Variants in CXCL14 observed in about 807,000 individuals in gnomAD.
The protein encoded by CXCL14 is C-X-C motif chemokine ligand 14.
CXCL14 carries 9 observed loss-of-function variants against 16.1 expected under a neutral mutation model. The ratio of observed to expected loss-of-function variants is 0.56; its 90% confidence interval spans 0.34 to 0.97. The LOEUF (loss-of-function observed/expected upper bound fraction) is 0.97. Ranked by LOEUF, CXCL14 falls within the 50% of genes least tolerant of loss-of-function variation. CXCL14 has a pLI of 0.02. For missense variants in CXCL14, 111 were observed against 132.5 expected (o/e 0.84, Z 0.80); for synonymous variants, 55 against 52.8 (o/e 1.04, Z -0.18).
intron 2 of CXCL14, 51 bp from the exon 3 acceptor site, chr5:135,574,736 T>C: frequency 6.9e-7 from 1 of 1,459,462 alleles, no homozygotes; most frequent in Non-Finnish European, 9.6e-7. Context: ...AATAACATGT[T>C]GCCTCTTGTG....
intron 2 of CXCL14, among the ~76,000 whole-genome samples, chr5:135,577,550 G>C (rs1051684432): frequency 1.3e-5 from 2 of 152,204 alleles, no homozygotes; most frequent in Non-Finnish European, 2.9e-5. Context: ...TTGCGCCGGT[G>C]GGGGCCAGCT....
chr5:135,578,242 C>T (rs1751144393), intron 2 of CXCL14, among the ~76,000 whole-genome samples, 192 bp downstream of exon 2: 1 of 150,038 alleles, frequency 6.7e-6, no homozygotes, highest in African/African-American at 2.5e-5. Context: ...GGGACAGTGA[C>T]CCCCCTTCCC....
rs1004522637 is a variant in CXCL14, at chr5:135,578,984, C to T, written c.-206G>A. On this transcript the variant is annotated 5_prime_UTR_variant, in exon 1 of 4. Coordinates refer to ENST00000512158, the MANE Select transcript of CXCL14 (RefSeq NM_004887.5). ...TGCGCTCTGCGCTTGTCTCCGCGCT[C>T]TCTCCACAGCCTCCCTCCGCCCGCC... 78 of 549,334 alleles carry T rather than the reference C, an allele frequency of 1.4e-4. No homozygotes were observed. In the African/African-American group the frequency reaches 1.4e-3, roughly 10 times the overall value. 34.0% of individuals were successfully genotyped at this position (549,334 alleles called of 1,614,324 possible). A position where few individuals can be genotyped will look rare whatever the true frequency, so the allele number is the denominator to read the frequency against.
rs140131664 is a variant in CXCL14, at chr5:135,576,309, C to CT, written c.171-1625dup. 3.7e-3 allele frequency among the ~76,000 whole-genome samples: 568 copies of CT among 152,362 alleles called. 5 individuals are homozygous for CT. The highest frequency in any genetic ancestry group is 0.013 in the African/African-American group (550 of 41,586). ...TCACCCTGCAGGAATTTAGCAAATGCTTTTCTCTTTCTGCCTACAAGGCTG... is the reference window on the plus strand; with the variant it reads ...TCACCCTGCAGGAATTTAGCAAATGCTTTTTCTCTTTCTGCCTACAAGGCTG... On this transcript the variant is annotated intron_variant, in intron 2 of 3. Coordinates refer to ENST00000512158, the MANE Select transcript of CXCL14 (RefSeq NM_004887.5).
In CXCL14 at chr5:135,571,645, C is replaced by A. The variant is rs1751029493; in HGVS notation, c.*208G>T. ...AGAGATGGGTCTCCCATCTGGAAGCCTTTCGCACGCAGCTATAAAATGTAA... is the reference window on the plus strand; with the variant it reads ...AGAGATGGGTCTCCCATCTGGAAGCATTTCGCACGCAGCTATAAAATGTAA... On this transcript the variant is annotated 3_prime_UTR_variant, in exon 4 of 4. Transcript: ENST00000512158. 1.9e-6 allele frequency: 1 copy of A among 539,606 alleles called. No individual in the cohort carries two copies. Among genetic ancestry groups the A allele is most frequent in the Non-Finnish European group, 3.2e-6 (1 of 312,394 alleles). 33.4% of individuals were successfully genotyped at this position (539,606 alleles called of 1,614,324 possible).
chr5:135,577,471 A>G (rs573630692), intron 2 of CXCL14, among the ~76,000 whole-genome samples: 1 of 152,346 alleles, frequency 6.6e-6, no homozygotes, highest in Admixed American at 6.5e-5. Flanking sequence ...CTGACAGTGT[A>G]GCCCCTAGAC....
At position 135,577,602 on chromosome 5, in the gene CXCL14, G is replaced by A. The variant is rs1391475301; in HGVS notation, c.170+832C>T. 4.6e-5 allele frequency among the ~76,000 whole-genome samples: 7 copies of A among 152,342 alleles called. No homozygotes were observed. In the South Asian group the frequency reaches 1.4e-3, roughly 32 times the overall value. ...CCAGACTGAGAATAAAGTGCGTCCTGTTTCTGGGGGAGGGGAAGAGGGGCC... is the reference window on the plus strand; with the variant it reads ...CCAGACTGAGAATAAAGTGCGTCCTATTTCTGGGGGAGGGGAAGAGGGGCC... On this transcript the variant is annotated intron_variant, in intron 2 of 3. Transcript: ENST00000512158.
intron 2 of CXCL14, among the ~76,000 whole-genome samples, chr5:135,577,311 G>A (rs898160925): frequency 2.0e-5 from 3 of 152,122 alleles, no homozygotes; most frequent in African/African-American, 7.2e-5. Flanking sequence ...TTGACACTTG[G>A]CCCCCACCCA....
At chr5:135,572,506 C>T (rs1351387156) in intron 3 of CXCL14, among the ~76,000 whole-genome samples, 1 of 152,188 alleles carries the variant, frequency 6.6e-6, no homozygotes, top group Admixed American at 6.5e-5. Context: ...CTCATCTCTA[C>T]TCGTTCCCAG....
In CXCL14 at chr5:135,571,511, A is replaced by G. The variant is rs939330742; in HGVS notation, c.*342T>C. 1.5e-5 allele frequency: 4 copies of G among 272,496 alleles called. No homozygotes were observed. The highest frequency in any genetic ancestry group is 6.7e-5 in the South Asian group (1 of 14,856). 16.9% of individuals were successfully genotyped at this position (272,496 alleles called of 1,614,324 possible). On this transcript the variant is annotated 3_prime_UTR_variant, in exon 4 of 4. Transcript: ENST00000512158. ...CCTCCCGGGCGCTTATAAAGCTCAG[A>G]TGTATAGTGACGTATGGACAAATAC...
intron 2 of CXCL14, among the ~76,000 whole-genome samples, chr5:135,578,075 T>A (rs1490978937): frequency 6.6e-6 from 1 of 152,284 alleles, no homozygotes; most frequent in Non-Finnish European, 1.5e-5. Flanking sequence ...TGGGTGTGAG[T>A]GTGTTTTAAG....
intron 3 of CXCL14, among the ~76,000 whole-genome samples, chr5:135,572,667 T>C (rs1426240963): frequency 3.9e-5 from 6 of 152,216 alleles, no homozygotes; most frequent in Admixed American, 3.3e-4. Flanking sequence ...CACTGAATTA[T>C]CCATTGAAAT....
intron 2 of CXCL14, among the ~76,000 whole-genome samples, chr5:135,576,114 C>A (rs17168634): frequency 2.0e-5 from 3 of 152,082 alleles, no homozygotes; most frequent in African/African-American, 7.2e-5. Context: ...TTCTGGGGTC[C>A]CTGCTAGGGC....
Position 135,578,419 on chromosome 5 carries a change from G to C in CXCL14, c.170+15C>G, listed in dbSNP as rs376509196. The C allele has an allele frequency of 1.6e-5, 25 of 1,607,456 alleles. No individual in the cohort carries two copies. The highest frequency in any genetic ancestry group is 3.3e-5 in the Admixed American group (2 of 60,000). On this transcript the variant is annotated intron_variant, in intron 2 of 3. Transcript: ENST00000512158. ...AGCAGTGCGCACCCCCTCAAGGTGA[G>C]GAGCGAGAACTCACATAACCATCTT...
Position 135,578,704 on chromosome 5 carries a change from C to T in CXCL14, c.64+11G>A. The T allele has an allele frequency of 1.3e-6, 2 of 1,551,840 alleles. No individual in the cohort carries two copies. The highest frequency in any genetic ancestry group is 1.7e-6 in the Non-Finnish European group (2 of 1,147,510). ...GACGAGACGGCGACAAGGGGAGCTC[C>T]CCGCACTCACCGTCCACACGCGCGG... is the stretch of plus-strand genomic sequence containing the variant. On this transcript the variant is annotated intron_variant, in intron 1 of 3. Coordinates refer to ENST00000512158, the MANE Select transcript of CXCL14 (RefSeq NM_004887.5).
At position 135,571,033 on chromosome 5, in the gene CXCL14, G is replaced by T. The variant is rs977628310; in HGVS notation, c.*820C>A. ...ATGTGTGTCTGTAGCTGTGTATTGCGCATGTATTCATATATTTTTAAGTTT... is the reference window on the plus strand; with the variant it reads ...ATGTGTGTCTGTAGCTGTGTATTGCTCATGTATTCATATATTTTTAAGTTT... On this transcript the variant is annotated 3_prime_UTR_variant, in exon 4 of 4. Coordinates refer to ENST00000512158, the MANE Select transcript of CXCL14 (RefSeq NM_004887.5). 1 of 152,154 alleles carries T rather than the reference G, an allele frequency of 6.6e-6. No homozygotes were observed. The highest frequency in any genetic ancestry group is 6.5e-5 in the Admixed American group (1 of 15,276). 9.4% of individuals were successfully genotyped at this position (152,154 alleles called of 1,614,324 possible). A position where few individuals can be genotyped will look rare whatever the true frequency, so the allele number is the denominator to read the frequency against.
At position 135,578,310 on chromosome 5, in the gene CXCL14, G is replaced by T. The variant is rs141622571; in HGVS notation, c.170+124C>A. On this transcript the variant is annotated intron_variant, in intron 2 of 3. Transcript: ENST00000512158. ...AAGGACTCTCTGGGCAATTACAAAG[G>T]CTTTTCCAGGGCCTTGACAAAGTCG... 259 of 795,256 alleles carry T rather than the reference G, an allele frequency of 3.3e-4. No individual in the cohort carries two copies. In the African/African-American group the frequency reaches 3.8e-3, roughly 12 times the overall value. 49.3% of individuals were successfully genotyped at this position (795,256 alleles called of 1,614,324 possible). A position where few individuals can be genotyped will look rare whatever the true frequency, so the allele number is the denominator to read the frequency against.
intron 3 of CXCL14, 139 bp from the exon 4 acceptor site, chr5:135,572,007 T>A: frequency 2.5e-6 from 2 of 784,528 alleles, no homozygotes; most frequent in Non-Finnish European, 4.2e-6. Context: ...CCAGGAGAAG[T>A]GGGAGGGATC....
intron 3 of CXCL14, 121 bp from the exon 4 acceptor site, chr5:135,571,989 A>T: frequency 1.1e-6 from 1 of 916,106 alleles, no homozygotes; most frequent in Non-Finnish European, 1.7e-6. Context: ...CCAGAACTGC[A>T]GGAACCCCCA....
Sources: gnomAD v4.1 joint callset for allele counts (sites outside exome capture counted in the v4.1 genomes callset) on GRCh38, gnomAD v4.1.1 for gene constraint, MANE v1.5 for transcripts, NCBI Gene and HGNC (gene_info 2026-07-23, HGNC 2026-07-21) for gene names.